RPAP2: variants seen among roughly 807,000 people sequenced by gnomAD.
RPAP2 encodes RNA polymerase II associated protein 2, also known as putative RNA polymerase II subunit B1 CTD phosphatase RPAP2.
In RPAP2, 52 loss-of-function variants were observed where a neutral mutation model predicts 73.1. The ratio of observed to expected loss-of-function variants is 0.71; its 90% CI spans 0.57 to 0.90. The LOEUF is 0.90. Ranked by LOEUF, RPAP2 falls within the 40% of genes least tolerant of loss-of-function variation. RPAP2 has a pLI of 0.00. For missense variants in RPAP2, 598 were observed against 701.8 expected (o/e 0.85, Z 1.67); for synonymous variants, 225 against 242.1 (o/e 0.93, Z 0.65).
chr1:92,369,455 C>T (rs1410123775), intron 11 of RPAP2, among the ~76,000 whole-genome samples: 1 of 152,132 alleles, frequency 6.6e-6, no homozygotes, highest in Non-Finnish European at 1.5e-5. Context: ...CAGGCGTGCA[C>T]CTCCACACTC....
Position 92,304,022 on chromosome 1 carries a change from C to T in RPAP2, c.280C>T (p.Arg94Cys), listed in dbSNP as rs755316739. 18 of 1,612,758 alleles carry T rather than the reference C, an allele frequency of 1.1e-5. No homozygotes were observed. Among genetic ancestry groups the T allele is most frequent in the South Asian group, 2.2e-5 (2 of 90,794 alleles). The change falls in exon 4 of 13, where the codon CGT becomes TGT. Residue 94 changes from arginine to cysteine, a missense_variant. Physicochemically the swap from Arg to Cys is radical, Grantham distance 180 (BLOSUM62 -3). Around this residue, in one of 3 missense-constraint regions of RPAP2, gnomAD observed 506 missense variants for 612.8 expected, o/e 0.83. Coordinates refer to ENST00000610020, the MANE Select transcript of RPAP2 (RefSeq NM_024813.3). Reference sequence around the variant, plus strand: ...TCACTACAGTGATGTCGTGGATGAACGTTCTATTGTCAAACTCTGTGGTTA... The same window carrying T: ...TCACTACAGTGATGTCGTGGATGAATGTTCTATTGTCAAACTCTGTGGTTA... ...PAHYSDVVDE[R>C]SIVKLCGYPL...
At chr1:92,385,320 T>A (rs1485600029) in intron 12 of RPAP2, among the ~76,000 whole-genome samples, 2 of 152,360 alleles carry the variant, frequency 1.3e-5, no homozygotes, top group East Asian at 3.9e-4. Flanking sequence ...AAACAGATGA[T>A]GTTAAAGTAG....
At chr1:92,381,237 T>C (rs934033505) in intron 12 of RPAP2, among the ~76,000 whole-genome samples, 1 of 152,206 alleles carries the variant, frequency 6.6e-6, no homozygotes, top group African/African-American at 2.4e-5. Context: ...AGTGATCCAT[T>C]GTGAACATCC....
chr1:92,356,352 T>C (rs528423945), intron 11 of RPAP2, among the ~76,000 whole-genome samples: 3 of 152,268 alleles, frequency 2.0e-5, no homozygotes, highest in African/African-American at 7.2e-5. Flanking sequence ...TATGTGAGAG[T>C]TTCTGATTCT....
At chr1:92,344,283 T>TA (rs1653761109) in intron 10 of RPAP2, among the ~76,000 whole-genome samples, 1 of 152,104 alleles carries the variant, frequency 6.6e-6, no homozygotes, top group Non-Finnish European at 1.5e-5. Context: ...CATATGCCTG[T>TA]AATCCCAGCT....
chr1:92,304,245 A>G (rs772129168), intron 4 of RPAP2, 39 bp from the exon 5 acceptor site: 19 of 1,330,628 alleles, frequency 1.4e-5, no homozygotes, highest in Middle Eastern at 1.8e-4. Flanking sequence ...CATGTTTATT[A>G]TTTGGATTCT....
intron 12 of RPAP2, among the ~76,000 whole-genome samples, chr1:92,381,588 C>CTTTTTTTTTTTT (rs4000737): frequency 1.4e-5 from 2 of 139,362 alleles, no homozygotes; most frequent in African/African-American, 2.6e-5. Flanking sequence ...GGGAGATTTT[C>CTTTTTTTTTTTT]TTTTTTTTTT....
rs1656314290 is a variant in RPAP2 at position 92,401,372 on chromosome 1, A to C, written c.*14361A>C. ...TACTCATGTTGGCAATAAAGGTAAAAGTATCTATGGAATAAGGACCATTTT... is the reference window on the plus strand; with the variant it reads ...TACTCATGTTGGCAATAAAGGTAAACGTATCTATGGAATAAGGACCATTTT... On this transcript the variant is annotated 3_prime_UTR_variant, in exon 13 of 13. Coordinates refer to ENST00000610020, the MANE Select transcript of RPAP2 (RefSeq NM_024813.3). 6.6e-6 allele frequency: 1 copy of C among 152,226 alleles called. No homozygotes were observed. Among genetic ancestry groups the C allele is most frequent in the South Asian group, 2.1e-4 (1 of 4,824 alleles). 9.4% of individuals were successfully genotyped at this position (152,226 alleles called of 1,614,324 possible). A position where few individuals can be genotyped will look rare whatever the true frequency, so the allele number is the denominator to read the frequency against.
chr1:92,310,652 T>G (rs1276166393), intron 6 of RPAP2, among the ~76,000 whole-genome samples: 1 of 152,050 alleles, frequency 6.6e-6, no homozygotes, highest in Non-Finnish European at 1.5e-5. Flanking sequence ...AATCCCAGCA[T>G]TTGGGAGGCC....
At chr1:92,327,225 C>T (rs1031411088) in intron 8 of RPAP2, among the ~76,000 whole-genome samples, 3 of 152,206 alleles carry the variant, frequency 2.0e-5, no homozygotes, top group African/African-American at 7.2e-5. Context: ...AGGAACAGGT[C>T]TTGATGACCT....
rs548785659 is a variant in RPAP2 at position 92,391,450 on chromosome 1, C to T, written c.*4439C>T. 284 of 152,176 alleles carry T rather than the reference C, an allele frequency of 1.9e-3. No individual in the cohort carries two copies. Among genetic ancestry groups the T allele is most frequent in the African/African-American group, 6.4e-3 (266 of 41,518 alleles). The allele number at this position is 152,176 out of a possible 1,614,324, so 9.4% of individuals were successfully genotyped here. A position where few individuals can be genotyped will look rare whatever the true frequency, so the allele number is the denominator to read the frequency against. Reference sequence around the variant, plus strand: ...AAGCAGGAGTGATCTAAAATCAACACCCTAACATCACAATTAAAAGAACTA... The same window carrying T: ...AAGCAGGAGTGATCTAAAATCAACATCCTAACATCACAATTAAAAGAACTA... On this transcript the variant is annotated 3_prime_UTR_variant, in exon 13 of 13. Coordinates refer to ENST00000610020, the MANE Select transcript of RPAP2 (RefSeq NM_024813.3).
rs1451476378 is a variant in RPAP2, at chr1:92,397,021, C to G, written c.*10010C>G. ...TAAAGTTTATGTGTATAAATTATAC[C>G]TTAATAAAGCTATTAAAAGTCAAAG... is the stretch of plus-strand genomic sequence containing the variant. On this transcript the variant is annotated 3_prime_UTR_variant, in exon 13 of 13. Coordinates refer to ENST00000610020, the MANE Select transcript of RPAP2 (RefSeq NM_024813.3). 6.6e-6 allele frequency: 1 copy of G among 151,994 alleles called. No homozygotes were observed. Among genetic ancestry groups the G allele is most frequent in the East Asian group, 1.9e-4 (1 of 5,190 alleles). 9.4% of individuals were successfully genotyped at this position (151,994 alleles called of 1,614,324 possible). A position where few individuals can be genotyped will look rare whatever the true frequency, so the allele number is the denominator to read the frequency against.
rs116672760 is a variant in RPAP2, at chr1:92,331,641, G to A, written c.1456-1750G>A. On this transcript the variant is annotated intron_variant, in intron 8 of 12. Coordinates refer to ENST00000610020, the MANE Select transcript of RPAP2 (RefSeq NM_024813.3). ...ATCTATCCCTCTTGACTTATGTTCT[G>A]TTATTGGATATTTTTATTTTCTCTA... Among the ~76,000 whole-genome samples, 381 of 152,122 alleles carry A rather than the reference G, an allele frequency of 2.5e-3. 3 individuals carry two copies. The highest frequency in any genetic ancestry group is 8.9e-3 in the South Asian group (43 of 4,822).
At chr1:92,316,216 G>T (rs1424512197) in intron 6 of RPAP2, among the ~76,000 whole-genome samples, 1 of 152,136 alleles carries the variant, frequency 6.6e-6, no homozygotes. Context: ...TCCAGAGTAG[G>T]GGATTTCACA....
chr1:92,363,039 G>T (rs1654794993), intron 11 of RPAP2, among the ~76,000 whole-genome samples: 1 of 152,078 alleles, frequency 6.6e-6, no homozygotes, highest in South Asian at 2.1e-4. Context: ...TTGAAAGTAG[G>T]AGTAAAATCT....
chr1:92,360,026 C>T (rs938377078), intron 11 of RPAP2, among the ~76,000 whole-genome samples: 15 of 152,160 alleles, frequency 9.9e-5, no homozygotes, highest in African/African-American at 3.6e-4. Context: ...CACTCACCAA[C>T]GGAAGAAATA....
chr1:92,326,580 G>C (rs901433602), intron 8 of RPAP2, among the ~76,000 whole-genome samples: 10 of 152,148 alleles, frequency 6.6e-5, no homozygotes, highest in South Asian at 2.1e-4. Context: ...GGACCGTCAT[G>C]GGGGCAGGGC....
Position 92,392,293 on chromosome 1 carries a change from T to C in RPAP2, c.*5282T>C, listed in dbSNP as rs1249715884. 1.3e-5 allele frequency: 2 copies of C among 152,240 alleles called. No individual in the cohort carries two copies. Among genetic ancestry groups the C allele is most frequent in the East Asian group, 1.9e-4 (1 of 5,184 alleles). 9.4% of individuals were successfully genotyped at this position (152,240 alleles called of 1,614,324 possible). A position where few individuals can be genotyped will look rare whatever the true frequency, so the allele number is the denominator to read the frequency against. ...ACCAACGGCAAAAACCACATGATTATCTCAATAGATACAAAAAAGGCCTTC... is the reference window on the plus strand; with the variant it reads ...ACCAACGGCAAAAACCACATGATTACCTCAATAGATACAAAAAAGGCCTTC... On this transcript the variant is annotated 3_prime_UTR_variant, in exon 13 of 13. Coordinates refer to ENST00000610020, the MANE Select transcript of RPAP2 (RefSeq NM_024813.3).
chr1:92,303,781 T>G (rs896102196), intron 3 of RPAP2, among the ~76,000 whole-genome samples, 196 bp from the exon 4 acceptor site: 12 of 152,192 alleles, frequency 7.9e-5, no homozygotes, highest in African/African-American at 2.9e-4. Flanking sequence ...TAACTTTTTT[T>G]TTGAATGCTC....
Sources: gnomAD v4.1 joint callset for allele counts (sites outside exome capture counted in the v4.1 genomes callset) on GRCh38, gnomAD v4.1.1 for gene constraint, gnomAD v4.1.1 regional missense constraint, MANE v1.5 for transcripts, NCBI Gene and HGNC (gene_info 2026-07-23, HGNC 2026-07-21) for gene names.